PCDHGA5: variants seen among roughly 807,000 people sequenced by gnomAD.
PCDHGA5 encodes the protein protocadherin gamma-A5.
A neutral mutation model predicts 56.7 loss-of-function variants in PCDHGA5; 36 were observed. The ratio of observed to expected loss-of-function variants is 0.64; its 90% CI spans 0.49 to 0.84. PCDHGA5 has a LOEUF of 0.84. Ranked by LOEUF, PCDHGA5 falls within the 40% of genes least tolerant of loss-of-function variation. The pLI is 0.00. For missense variants in PCDHGA5, 1,305 were observed against 1,201.5 expected, an observed-to-expected ratio of 1.09 and a Z score of -1.27; for synonymous variants, 563 against 520.2, an observed-to-expected ratio of 1.08 and a Z score of -1.12.
intron 1 of PCDHGA5, chr5:141,372,620 C>T: frequency 6.2e-7 from 1 of 1,613,992 alleles, no homozygotes. Flanking sequence ...TTCTCCCCAC[C>T]TACAGCGAAA....
intron 1 of PCDHGA5, chr5:141,423,091 G>A (rs1243671863): frequency 6.2e-7 from 1 of 1,613,908 alleles, no homozygotes; most frequent in Non-Finnish European, 8.5e-7. Flanking sequence ...CGCGGTGGGG[G>A]AGCACACGGG....
chr5:141,485,314 T>G lies in PCDHGA5; in HGVS notation c.2422-9493T>G. Reference sequence around the variant, plus strand: ...CACAGGAAGGGACTTTTGTAGGGAATGTCGCTCAAGATTTCCTGCTGGATA... The same window carrying G: ...CACAGGAAGGGACTTTTGTAGGGAAGGTCGCTCAAGATTTCCTGCTGGATA... On this transcript the variant is annotated intron_variant, in intron 1 of 3. Coordinates refer to ENST00000518069, the MANE Select transcript of PCDHGA5 (RefSeq NM_018918.3). This position sits in a 1 kb window ranked among gnomAD's most constrained non-coding sequence, Gnocchi z 5.7. 1 of 1,614,150 alleles carries G rather than the reference T, an allele frequency of 6.2e-7. No individual in the cohort carries two copies. The highest frequency in any genetic ancestry group is 8.5e-7 in the Non-Finnish European group (1 of 1,180,032).
At position 141,431,574 on chromosome 5, in the gene PCDHGA5, G is replaced by T. The variant is rs1476143491; in HGVS notation, c.2422-63233G>T. The T allele has an allele frequency of 6.2e-7, 1 of 1,614,196 alleles. No homozygotes were observed. Among genetic ancestry groups the T allele is most frequent in the Admixed American group, 1.7e-5 (1 of 60,034 alleles). On this transcript the variant is annotated intron_variant, in intron 1 of 3. Transcript: ENST00000518069. This position sits in a 1 kb window ranked among gnomAD's most constrained non-coding sequence, Gnocchi z 4.8. The stretch of plus-strand genomic sequence containing the variant: ...GTCAACGCTACCGACCCTGACGAAG[G>T]AGTCAATGCGGAAGTGAGGTATTCC...
Position 141,415,740 on chromosome 5 carries a change from G to GTTTTTTTTTTTTTTT in PCDHGA5, c.2421+49007_2421+49021dup, listed in dbSNP as rs57426385. 67 of 625,038 alleles carry GTTTTTTTTTTTTTTT rather than the reference G, an allele frequency of 1.1e-4. 1 individual carries two copies. Among genetic ancestry groups the GTTTTTTTTTTTTTTT allele is most frequent in the African/African-American group, 2.5e-4 (10 of 39,932 alleles). The allele number at this position is 625,038 out of a possible 1,614,324, so 38.7% of individuals were successfully genotyped here. A position where few individuals can be genotyped will look rare whatever the true frequency, so the allele number is the denominator to read the frequency against. ...TGAGTAGAATTTGATGTTTATTAAG[G>GTTTTTTTTTTTTTTT]TTTTTTTTTTTTTTTTTTTTTTTTT... On this transcript the variant is annotated intron_variant, in intron 1 of 3. Coordinates refer to ENST00000518069, the MANE Select transcript of PCDHGA5 (RefSeq NM_018918.3).
Position 141,489,331 on chromosome 5 carries a change from C to G in PCDHGA5, c.2422-5476C>G. ...CTGCTGGGGCTGGGTGTCTGGGCAG[C>G]TTCGTTACTCAGTGGTGGAGGAGTC... On this transcript the variant is annotated intron_variant, in intron 1 of 3. Coordinates refer to ENST00000518069, the MANE Select transcript of PCDHGA5 (RefSeq NM_018918.3). The surrounding 1 kb of genome is among the most constrained non-coding windows in gnomAD (Gnocchi z 4.5). 1 of 1,605,478 alleles carries G rather than the reference C, an allele frequency of 6.2e-7. No homozygotes were observed. Among genetic ancestry groups the G allele is most frequent in the Non-Finnish European group, 8.5e-7 (1 of 1,174,878 alleles).
At chr5:141,367,133 A>G (rs1764963646) in intron 1 of PCDHGA5, 1 of 207,884 alleles carries the variant, frequency 4.8e-6, no homozygotes, top group Non-Finnish European at 9.7e-6. Context: ...GTGTTTTGGA[A>G]AGGATAATGT....
intron 1 of PCDHGA5, chr5:141,423,241 G>C: frequency 6.2e-7 from 1 of 1,613,954 alleles, no homozygotes; most frequent in Non-Finnish European, 8.5e-7. Context: ...CATCCCCGAA[G>C]TCCTGGCGGA....
At chr5:141,440,696 A>G (rs2098194818) in intron 1 of PCDHGA5, 1 of 152,210 alleles carries the variant, frequency 6.6e-6, no homozygotes, top group Non-Finnish European at 1.5e-5. Flanking sequence ...AAAGTGACCA[A>G]CAGTGGAAAG....
chr5:141,498,967 GGGAGGGAAGGAAGGAA>G (rs1333462541), intron 2 of PCDHGA5, among the ~76,000 whole-genome samples: 8 of 129,672 alleles, frequency 6.2e-5, no homozygotes, highest in East Asian at 2.2e-4. Context: ...GAGGGAGGGA[GGGAGGGAAGGAAGGAA>G]GGAAGGAAGG....
intron 1 of PCDHGA5, chr5:141,402,801 G>T (rs1218765657): frequency 1.2e-5 from 13 of 1,078,506 alleles, no homozygotes; most frequent in Non-Finnish European, 1.7e-5. Context: ...CACAAAACCC[G>T]GCAGATACCA....
intron 2 of PCDHGA5, among the ~76,000 whole-genome samples, chr5:141,501,847 C>T (rs976699397): frequency 1.3e-5 from 2 of 152,140 alleles, no homozygotes; most frequent in Admixed American, 6.5e-5. Context: ...GGCCCTCAAC[C>T]TTCAACCATT....
chr5:141,380,649 A>G (rs1354203302), intron 1 of PCDHGA5, among the ~76,000 whole-genome samples: 1 of 152,230 alleles, frequency 6.6e-6, no homozygotes, highest in East Asian at 1.9e-4. Flanking sequence ...GCTAGAGACA[A>G]TGAAGCCATT....
chr5:141,466,812 G>A (rs1394979761), intron 1 of PCDHGA5, among the ~76,000 whole-genome samples: 3 of 151,940 alleles, frequency 2.0e-5, no homozygotes, highest in Non-Finnish European at 4.4e-5. Flanking sequence ...ATTCAGACAT[G>A]GTATAACAAG....
At chr5:141,375,378 T>A (rs1226520501) in intron 1 of PCDHGA5, 11 of 1,613,954 alleles carry the variant, frequency 6.8e-6, no homozygotes, top group Non-Finnish European at 9.3e-6. Flanking sequence ...ACACCACCTC[T>A]GTCTACAGAA....
Position 141,432,236 on chromosome 5 carries a change from G to A in PCDHGA5, c.2422-62571G>A, listed in dbSNP as rs752735346. On this transcript the variant is annotated intron_variant, in intron 1 of 3. Coordinates refer to ENST00000518069, the MANE Select transcript of PCDHGA5 (RefSeq NM_018918.3). This position sits in a 1 kb window ranked among gnomAD's most constrained non-coding sequence, Gnocchi z 6.0. ...CGCCCAGATCACTTATTCCCTGGCT[G>A]AGAACACCATCCAAGGGGCAAGCCT... is the stretch of plus-strand genomic sequence containing the variant. The A allele has an allele frequency of 8.7e-6, 14 of 1,614,130 alleles. No individual in the cohort carries two copies. The African/African-American group carries it at 9.3e-5, about 11-fold the overall frequency.
At chr5:141,403,319 G>A (rs776881134) in intron 1 of PCDHGA5, 2 of 1,613,954 alleles carry the variant, frequency 1.2e-6, no homozygotes, top group East Asian at 2.2e-5. Flanking sequence ...AGAAATAGAA[G>A]TAACTGATAT....
At chr5:141,402,272 G>A (rs934353221) in intron 1 of PCDHGA5, among the ~76,000 whole-genome samples, 7 of 151,874 alleles carry the variant, frequency 4.6e-5, no homozygotes, top group African/African-American at 1.2e-4. Context: ...TAATTTCAAA[G>A]TGGATAATCT....
At chr5:141,445,213 A>C (rs775782586) in intron 1 of PCDHGA5, among the ~76,000 whole-genome samples, 1 of 152,226 alleles carries the variant, frequency 6.6e-6, no homozygotes, top group Non-Finnish European at 1.5e-5. Context: ...TTGAAAAGTA[A>C]GAGGTGCAAA....
intron 2 of PCDHGA5, among the ~76,000 whole-genome samples, chr5:141,505,122 A>G (rs2099843899): frequency 6.6e-6 from 1 of 152,194 alleles, no homozygotes; most frequent in Non-Finnish European, 1.5e-5. Context: ...AGATCGCGCC[A>G]CTGCACTCCA....
Sources: gnomAD v4.1 joint callset for allele counts (sites outside exome capture counted in the v4.1 genomes callset) on GRCh38, gnomAD v4.1.1 for gene constraint, Gnocchi (gnomAD v3.1) non-coding constraint, MANE v1.5 for transcripts, NCBI Gene and HGNC (gene_info 2026-07-23, HGNC 2026-07-21) for gene names.